Variants in TRAF5 observed in about 807,000 individuals in gnomAD.
TRAF5 encodes TNF receptor associated factor 5.
A neutral mutation model predicts 64.5 loss-of-function variants in TRAF5; 48 were observed. The observed-to-expected ratio is 0.74, with a 90% CI of 0.59 to 0.95. The LOEUF is 0.95. Among genes scored for constraint, TRAF5 ranks in the 40% least tolerant of loss-of-function variants. The pLI is 0.00. For synonymous variants in TRAF5, 206 were observed against 240.5 expected, an observed-to-expected ratio of 0.86 and a Z score of 1.33; for missense variants, 545 against 662.8, an observed-to-expected ratio of 0.82 and a Z score of 1.95.
chr1:211,338,752 G>A (rs1002146748), intron 1 of TRAF5, among the ~76,000 whole-genome samples: 3 of 152,094 alleles, frequency 2.0e-5, no homozygotes, highest in Non-Finnish European at 4.4e-5. Flanking sequence ...AGCCTCCCAG[G>A]TAGCTGGGAT....
rs898495423 is a variant in TRAF5, at chr1:211,360,658, C to A, written c.544-44C>A. On this transcript the variant is annotated intron_variant, in intron 5 of 10. Coordinates refer to ENST00000261464, the MANE Select transcript of TRAF5 (RefSeq NM_001033910.3). ...GACACAGGTGTAATCACTGTGAGGC[C>A]ATGAAAGACAACCCTTTGTTTTATT... is the stretch of plus-strand genomic sequence containing the variant. 3.4e-6 allele frequency: 5 copies of A among 1,491,698 alleles called. No individual in the cohort carries two copies. In the African/African-American group the frequency reaches 6.9e-5, roughly 21 times the overall value. 92.4% of individuals were successfully genotyped at this position (1,491,698 alleles called of 1,614,324 possible).
intron 7 of TRAF5, among the ~76,000 whole-genome samples, chr1:211,364,667 C>G (rs540107799): frequency 4.4e-4 from 63 of 143,560 alleles, no homozygotes; most frequent in Middle Eastern, 3.5e-3. Flanking sequence ...GCCTGGGCGA[C>G]AGAGCAAGAC....
intron 1 of TRAF5, among the ~76,000 whole-genome samples, chr1:211,336,802 G>C (rs1702305720): frequency 6.6e-6 from 1 of 152,226 alleles, no homozygotes; most frequent in South Asian, 2.1e-4. Context: ...TGAGATTACA[G>C]GCGTATGCCA....
intron 1 of TRAF5, among the ~76,000 whole-genome samples, chr1:211,328,733 C>T (rs951247426): frequency 6.6e-6 from 1 of 152,214 alleles, no homozygotes; most frequent in African/African-American, 2.4e-5. Context: ...CTCAGCTTTA[C>T]TGGGGAGGAC....
In TRAF5 at chr1:211,343,435, TATATC is replaced by T. The variant is rs558278249; in HGVS notation, c.-1-9794_-1-9790del. 1.5e-4 allele frequency among the ~76,000 whole-genome samples: 23 copies of T among 152,174 alleles called. No homozygotes were observed. In the South Asian group the frequency reaches 4.8e-3, roughly 32 times the overall value. On this transcript the variant is annotated intron_variant, in intron 1 of 10. Transcript: ENST00000261464. ...AAAAAAGGGGAATAATGATAATATA[TATATC>T]ATATCATATATCACCCTGTCTCCTA...
intron 1 of TRAF5, chr1:211,346,302 G>A (rs1305657285): frequency 1.1e-6 from 1 of 909,426 alleles, no homozygotes; most frequent in Non-Finnish European, 1.3e-6. Context: ...TCTGTCCTTG[G>A]AGGGACTCAA....
chr1:211,344,230 T>A (rs376344967), intron 1 of TRAF5, among the ~76,000 whole-genome samples: 5 of 152,180 alleles, frequency 3.3e-5, no homozygotes, highest in African/African-American at 1.2e-4. Flanking sequence ...TCCCATCTAC[T>A]CACTGTCAGT....
At chr1:211,338,592 A>G (rs1702367286) in intron 1 of TRAF5, among the ~76,000 whole-genome samples, 1 of 152,172 alleles carries the variant, frequency 6.6e-6, no homozygotes, top group African/African-American at 2.4e-5. Flanking sequence ...TAATTCATTT[A>G]ATCTTAACTC....
rs541066181 is a variant in TRAF5 at position 211,354,159 on chromosome 1, G to C, written c.219-251G>C. Among the ~76,000 whole-genome samples the C allele has an allele frequency of 2.0e-5, 3 of 152,276 alleles. No individual in the cohort carries two copies. In the East Asian group the frequency reaches 5.8e-4, roughly 29 times the overall value. ...ACAGCGTGATAAACAAAGGACAGGG[G>C]GCATTCAGCTCTGTCCAGGGACTCA... On this transcript the variant is annotated intron_variant, in intron 2 of 10. Transcript: ENST00000261464.
At chr1:211,360,823 G>A in intron 6 of TRAF5, 44 bp downstream of exon 6, 4 of 1,547,852 alleles carry the variant, frequency 2.6e-6, no homozygotes, top group South Asian at 2.2e-5. Flanking sequence ...GGAAGATAAC[G>A]TTTTAGTAAT....
intron 1 of TRAF5, among the ~76,000 whole-genome samples, chr1:211,334,889 A>T (rs1385890612): frequency 6.6e-6 from 1 of 152,176 alleles, no homozygotes; most frequent in African/African-American, 2.4e-5. Flanking sequence ...CTGTCCTCCC[A>T]GTGCCTAACT....
At chr1:211,332,084 G>A (rs1472412890) in intron 1 of TRAF5, among the ~76,000 whole-genome samples, 1 of 152,158 alleles carries the variant, frequency 6.6e-6, no homozygotes, top group Non-Finnish European at 1.5e-5. Flanking sequence ...GGATAAGCTG[G>A]GATGAGTTCT....
chr1:211,353,636 G>A (rs750147629), intron 2 of TRAF5, 179 bp downstream of exon 2: 8 of 643,778 alleles, frequency 1.2e-5, no homozygotes, highest in Non-Finnish European at 2.1e-5. Flanking sequence ...TCATTTTTTG[G>A]TCACTAATTT....
chr1:211,368,701 G>A lies in TRAF5; in HGVS notation c.790-751G>A, dbSNP rs550040131. ...TGGGAATAAGAGAAGAGCTGTCTAG[G>A]ATCAGCTTTAGGTATCTGTTTCTTT... On this transcript the variant is annotated intron_variant, in intron 8 of 10. Transcript: ENST00000261464. 5.3e-5 allele frequency among the ~76,000 whole-genome samples: 8 copies of A among 152,348 alleles called. No homozygotes were observed. The South Asian group carries it at 1.7e-3, about 32-fold the overall frequency.
At chr1:211,368,504 T>C (rs1703424637) in intron 8 of TRAF5, among the ~76,000 whole-genome samples, 1 of 152,174 alleles carries the variant, frequency 6.6e-6, no homozygotes, top group East Asian at 1.9e-4. Context: ...TTCTGGTGTG[T>C]GCTGGGGGTA....
At position 211,366,270 on chromosome 1, in the gene TRAF5, A is replaced by G. The variant is rs116294001; in HGVS notation, c.789+802A>G. Reference sequence around the variant, plus strand: ...GTAGGTGTGTGAGTTCCAGGGTCAGATTCTGGAGAAAATTAGGAAGACTGA... The same window carrying G: ...GTAGGTGTGTGAGTTCCAGGGTCAGGTTCTGGAGAAAATTAGGAAGACTGA... On this transcript the variant is annotated intron_variant, in intron 8 of 10. Transcript: ENST00000261464. Among the ~76,000 whole-genome samples, 6 of 152,326 alleles carry G rather than the reference A, an allele frequency of 3.9e-5. 1 individual carries two copies. Among genetic ancestry groups the G allele is most frequent in the Non-Finnish European group, 8.8e-5 (6 of 68,026 alleles).
chr1:211,338,745 C>T (rs1399699715), intron 1 of TRAF5, among the ~76,000 whole-genome samples: 1 of 152,172 alleles, frequency 6.6e-6, no homozygotes, highest in Admixed American at 6.5e-5. Flanking sequence ...CTGCCTCAGC[C>T]TCCCAGGTAG....
chr1:211,352,113 A>T (rs1245624419), intron 1 of TRAF5, among the ~76,000 whole-genome samples: 7 of 152,138 alleles, frequency 4.6e-5, no homozygotes, highest in African/African-American at 1.7e-4. Context: ...CATGCTGCTG[A>T]TAAAGACATA....
intron 3 of TRAF5, among the ~76,000 whole-genome samples, chr1:211,355,657 A>G (rs1056218846): frequency 1.3e-5 from 2 of 152,232 alleles, no homozygotes; most frequent in Non-Finnish European, 2.9e-5. Flanking sequence ...CCAGCCTGCT[A>G]CCTGTTTTTG....
Sources: gnomAD v4.1 joint callset for allele counts (sites outside exome capture counted in the v4.1 genomes callset) on GRCh38, gnomAD v4.1.1 for gene constraint, MANE v1.5 for transcripts, NCBI Gene and HGNC (gene_info 2026-07-23, HGNC 2026-07-21) for gene names.